Variants in BEGAIN observed in about 807,000 individuals in gnomAD.
The protein encoded by BEGAIN is brain enriched guanylate kinase associated.
Under a neutral mutation model 35.8 loss-of-function variants are expected in BEGAIN, and 19 were observed. That is an observed-to-expected ratio of 0.53 (90% CI 0.37 to 0.78). The LOEUF (loss-of-function observed/expected upper bound fraction) is 0.78, where lower values mean the gene tolerates loss of function less well. BEGAIN is among the 30% of genes least tolerant of loss of function. The pLI, the probability that BEGAIN is intolerant of heterozygous loss-of-function variation, is 0.00. For missense variants in BEGAIN, 795 were observed against 853.6 expected, an observed-to-expected ratio of 0.93 and a Z score of 0.85; for synonymous variants, 462 against 388.6, an observed-to-expected ratio of 1.19 and a Z score of -2.22.
chr14:100,540,460 C>T (rs747190347), intron 6 of BEGAIN, 36 bp downstream of exon 6: 66 of 1,517,356 alleles, frequency 4.3e-5, no homozygotes, highest in East Asian at 7.2e-5. Context: ...CCGGTGGTCC[C>T]GGGGCGGGGT....
At chr14:100,559,227 C>A (rs1047808095) in intron 2 of BEGAIN, among the ~76,000 whole-genome samples, 1 of 152,080 alleles carries the variant, frequency 6.6e-6, no homozygotes, top group Non-Finnish European at 1.5e-5. Flanking sequence ...CTCCTGGGCA[C>A]CCCTGCCTGG....
rs761504992 is a variant in BEGAIN at position 100,563,031 on chromosome 14, AG to A, written c.71+4879del. 6.6e-6 allele frequency among the ~76,000 whole-genome samples: 1 copy of A among 151,776 alleles called. No individual in the cohort carries two copies. The highest frequency in any genetic ancestry group is 1.9e-4 in the East Asian group (1 of 5,160). On this transcript the variant is annotated intron_variant, in intron 2 of 6. Coordinates refer to ENST00000554140, the MANE Select transcript of BEGAIN (RefSeq NM_001385089.1). This position sits in a 1 kb window ranked among gnomAD's most constrained non-coding sequence, Gnocchi z 4.2. Reference sequence around the variant, plus strand: ...CTTGGGTGGGAGAGGGTGCCCTTTGAGGGGGGGCGTGGAGGGGCAGGGCAGG... The same window carrying A: ...CTTGGGTGGGAGAGGGTGCCCTTTGAGGGGGGCGTGGAGGGGCAGGGCAGG...
intron 2 of BEGAIN, chr14:100,546,874 C>G (rs539946866): frequency 1.3e-5 from 6 of 452,584 alleles, no homozygotes; most frequent in African/African-American, 8.3e-5. Context: ...GTCAGGGACT[C>G]TGACCCTGAG....
chr14:100,564,596 C>T (rs907053109), intron 2 of BEGAIN, among the ~76,000 whole-genome samples: 12 of 152,088 alleles, frequency 7.9e-5, no homozygotes, highest in East Asian at 1.9e-4. Context: ...TCCAAGCAGT[C>T]GAAGACAAGA....
At chr14:100,546,408 CCCCGG>C (rs1566964298) in intron 3 of BEGAIN, 88 bp downstream of exon 3, 3 of 40,670 alleles carry the variant, frequency 7.4e-5, no homozygotes, top group African/African-American at 5.1e-4. Flanking sequence ...CCTCGCCCCG[CCCCGG>C]CCCTCGCCCC....
intron 2 of BEGAIN, among the ~76,000 whole-genome samples, chr14:100,556,518 T>C (rs566735844): frequency 1.6e-4 from 25 of 152,254 alleles, no homozygotes; most frequent in Admixed American, 1.1e-3. Flanking sequence ...TGCCCCCTGC[T>C]CAGAGCGTGC....
In BEGAIN at chr14:100,538,620, G is replaced by C. The variant is rs542292676; in HGVS notation, c.1188C>G (p.Ala396=). ...GFGRTMSPYP[A]ETFRFPASPG... ...GAGAGGCCGGGAAGCGGAAGGTCTCGGCCGGGTACGGTGACATGGTCCGCC... is the reference window on the plus strand; with the variant it reads ...GAGAGGCCGGGAAGCGGAAGGTCTCCGCCGGGTACGGTGACATGGTCCGCC... The change falls in exon 7 of 7, where the codon GCC becomes GCG. Residue 396 remains alanine (A), a synonymous_variant. Transcript: ENST00000554140. 8 of 1,548,694 alleles carry C rather than the reference G, an allele frequency of 5.2e-6. No homozygotes were observed. The African/African-American group carries it at 9.5e-5, about 18-fold the overall frequency.
rs149320226 is a variant in BEGAIN at position 100,585,896 on chromosome 14, C to T, written c.42+1353G>A. ...TGGCGGCAGCGCAGCCGCCCATCGCCCAGAGCCCGTGTGCTGAGCCCGGGC... is the reference window on the plus strand; with the variant it reads ...TGGCGGCAGCGCAGCCGCCCATCGCTCAGAGCCCGTGTGCTGAGCCCGGGC... On this transcript the variant is annotated intron_variant, in intron 1 of 6. Transcript: ENST00000554140. Among the ~76,000 whole-genome samples, 247 of 152,380 alleles carry T rather than the reference C, an allele frequency of 1.6e-3. 1 individual carries two copies. The highest frequency in any genetic ancestry group is 5.6e-3 in the African/African-American group (235 of 41,598).
At chr14:100,574,585 A>G (rs2035163298) in intron 1 of BEGAIN, among the ~76,000 whole-genome samples, 2 of 150,906 alleles carry the variant, frequency 1.3e-5, no homozygotes, top group South Asian at 4.2e-4. Context: ...ACATTTTAAA[A>G]TCCGTATTTT....
Position 100,567,994 on chromosome 14 carries a change from G to T in BEGAIN, c.43-55C>A. The T allele has an allele frequency of 1.4e-6, 2 of 1,383,728 alleles. No individual in the cohort carries two copies. Among genetic ancestry groups the T allele is most frequent in the Non-Finnish European group, 9.5e-7 (1 of 1,050,900 alleles). The allele number at this position is 1,383,728 out of a possible 1,614,324, so 85.7% of individuals were successfully genotyped here. On this transcript the variant is annotated intron_variant, in intron 1 of 6. Coordinates refer to ENST00000554140, the MANE Select transcript of BEGAIN (RefSeq NM_001385089.1). The surrounding 1 kb of genome is among the most constrained non-coding windows in gnomAD (Gnocchi z 5.1). ...GGCAGGAGGCGTGCGCTCCGCGGCCGCGCCGGGCAGAGCCGGGCACAGCGG... is the reference window on the plus strand; with the variant it reads ...GGCAGGAGGCGTGCGCTCCGCGGCCTCGCCGGGCAGAGCCGGGCACAGCGG...
At chr14:100,570,276 G>A (rs536029420) in intron 1 of BEGAIN, among the ~76,000 whole-genome samples, 1 of 152,382 alleles carries the variant, frequency 6.6e-6, no homozygotes, top group South Asian at 2.1e-4. Flanking sequence ...ACCCCCAGAA[G>A]GGAACTGGGG....
chr14:100,559,787 C>T (rs1401661987), intron 2 of BEGAIN, among the ~76,000 whole-genome samples: 2 of 152,210 alleles, frequency 1.3e-5, no homozygotes, highest in African/African-American at 4.8e-5. Context: ...TGGTCCCACT[C>T]CACGTTCACC....
intron 1 of BEGAIN, among the ~76,000 whole-genome samples, chr14:100,583,018 C>A (rs927838447): frequency 6.6e-6 from 1 of 150,582 alleles, no homozygotes; most frequent in African/African-American, 2.4e-5. Flanking sequence ...CACCATCCAC[C>A]CCTGTGACCG....
intron 5 of BEGAIN, among the ~76,000 whole-genome samples, chr14:100,542,451 C>T (rs972234477): frequency 2.0e-5 from 3 of 152,234 alleles, no homozygotes; most frequent in Non-Finnish European, 4.4e-5. Context: ...TCTCCGCCGG[C>T]ATGCCGGCCT....
rs200353520 is a variant in BEGAIN at position 100,546,292 on chromosome 14, G to C, written c.233+209C>G. The stretch of plus-strand genomic sequence containing the variant: ...TCTGAGTGGAGTCAACAGCCAGGGT[G>C]AGAGGGGAGCACCGCGTGCGGCTTT... On this transcript the variant is annotated intron_variant, in intron 3 of 6. Transcript: ENST00000554140. 7.0e-5 allele frequency: 23 copies of C among 326,648 alleles called. No individual in the cohort carries two copies. In the East Asian group the frequency reaches 1.1e-3, roughly 16 times the overall value. 20.2% of individuals were successfully genotyped at this position (326,648 alleles called of 1,614,324 possible).
At chr14:100,570,490 C>T (rs529657504) in intron 1 of BEGAIN, among the ~76,000 whole-genome samples, 3 of 152,108 alleles carry the variant, frequency 2.0e-5, no homozygotes, top group African/African-American at 7.3e-5. Flanking sequence ...AGGCTGTATC[C>T]TCCATGCGGC....
chr14:100,545,427 A>G, intron 3 of BEGAIN: 2 of 1,082,064 alleles, frequency 1.8e-6, no homozygotes, highest in Non-Finnish European at 2.3e-6. Flanking sequence ...TATGGGGTTG[A>G]CAGTTCAAAT....
intron 2 of BEGAIN, among the ~76,000 whole-genome samples, chr14:100,566,817 A>G (rs1005304452): frequency 5.9e-5 from 9 of 152,112 alleles, no homozygotes; most frequent in Non-Finnish European, 1.3e-4. Flanking sequence ...GGGGCTGCAC[A>G]TCAGCTCCAT....
intron 1 of BEGAIN, among the ~76,000 whole-genome samples, chr14:100,581,780 T>C (rs2035321594): frequency 6.6e-6 from 1 of 152,180 alleles, no homozygotes; most frequent in African/African-American, 2.4e-5. Flanking sequence ...ACACTGCCCC[T>C]GTGGTTGGAA....
Sources: gnomAD v4.1 joint callset for allele counts (sites outside exome capture counted in the v4.1 genomes callset) on GRCh38, gnomAD v4.1.1 for gene constraint, Gnocchi (gnomAD v3.1) non-coding constraint, MANE v1.5 for transcripts, NCBI Gene and HGNC (gene_info 2026-07-23, HGNC 2026-07-21) for gene names.